Variants in SNRPN observed in about 807,000 individuals in gnomAD.
SNRPN encodes the protein small nuclear ribonucleoprotein-associated protein N.
A neutral mutation model predicts 25.2 loss-of-function variants in SNRPN; 7 were observed. The ratio of observed to expected loss-of-function variants is 0.28; its 90% confidence interval spans 0.16 to 0.52. The LOEUF is 0.52. Among genes scored for constraint, SNRPN ranks in the 20% least tolerant of loss-of-function variants. The pLI is 0.96. For synonymous variants in SNRPN, 124 were observed against 110.6 expected (o/e 1.12, Z -0.76); for missense variants, 196 against 322.5 (o/e 0.61, Z 3.00).
At chr15:24,868,955 A>G (rs980863937) in intron 1 of SNRPN, among the ~76,000 whole-genome samples, 7 of 152,108 alleles carry the variant, frequency 4.6e-5, no homozygotes, top group African/African-American at 1.7e-4. Context: ...TAGGCAACAT[A>G]GCCAGACCCT....
At chr15:24,874,251 A>G (rs2055594459) in intron 1 of SNRPN, among the ~76,000 whole-genome samples, 1 of 138,428 alleles carries the variant, frequency 7.2e-6, no homozygotes, top group Non-Finnish European at 1.5e-5. Context: ...TGGAGCTTGC[A>G]GTGAGCCAAG....
chr15:24,960,949 C>T (rs563426301), intron 1 of SNRPN, among the ~76,000 whole-genome samples: 1 of 152,052 alleles, frequency 6.6e-6, no homozygotes, highest in East Asian at 1.9e-4. Flanking sequence ...TCCCTACCTT[C>T]TTTTTTTTCA....
intron 2 of SNRPN, among the ~76,000 whole-genome samples, chr15:24,965,135 T>A (rs2075421656): frequency 6.6e-6 from 1 of 152,220 alleles, no homozygotes; most frequent in Admixed American, 6.5e-5. Flanking sequence ...TAGAATGTTA[T>A]ACTAGAAGTG....
intron 1 of SNRPN, among the ~76,000 whole-genome samples, chr15:24,827,673 C>A (rs2050205312): frequency 6.6e-6 from 1 of 151,716 alleles, no homozygotes; most frequent in South Asian, 2.1e-4. Context: ...TCGAGACCAG[C>A]CTGACCAAGA....
At chr15:24,828,108 CA>C (rs2050230980) in intron 1 of SNRPN, among the ~76,000 whole-genome samples, 1 of 151,994 alleles carries the variant, frequency 6.6e-6, no homozygotes, top group African/African-American at 2.4e-5. Flanking sequence ...TAAAATTTAA[CA>C]CAATATTGAG....
rs749060545 is a variant in SNRPN, at chr15:24,968,039, G to A, written c.-187G>A. 6.8e-6 allele frequency: 11 copies of A among 1,613,760 alleles called. No individual in the cohort carries two copies. In the South Asian group the frequency reaches 1.1e-4, roughly 16 times the overall value. ...GCTGAGACACCAAGAGGTGGTTAAA[G>A]CCATATTGGAGTAGCGAGGAATCTG... On this transcript the variant is annotated 5_prime_UTR_variant, in exon 3 of 10. Transcript: ENST00000390687.
Position 24,939,484 on chromosome 15 carries a change from G to A in SNRPN, c.-391+19360G>A, listed in dbSNP as rs113095593. 5.7e-3 allele frequency among the ~76,000 whole-genome samples: 863 copies of A among 152,260 alleles called. 11 individuals are homozygous for A. The highest frequency in any genetic ancestry group is 0.02 in the African/African-American group (821 of 41,554). ...GTCTCTTTCTGTTGCCCAGGCTGGT[G>A]TGCAATGGCCCAATCTCGGCTCACT... is the stretch of plus-strand genomic sequence containing the variant. On this transcript the variant is annotated intron_variant, in intron 3 of 11. Transcript: ENST00000400097.
chr15:24,939,780 G>T lies in SNRPN; in HGVS notation c.-391+19656G>T, dbSNP rs530010217. ...TTTTTTTTTTTTAAAGTTGATTATA[G>T]AATTCTTCTTTTTTTTTTTTTCTTT... On this transcript the variant is annotated intron_variant, in intron 3 of 11. Coordinates refer to the SNRPN transcript ENST00000400097. Among the ~76,000 whole-genome samples the T allele has an allele frequency of 9.7e-5, 14 of 144,938 alleles. No individual in the cohort carries two copies. The East Asian group carries it at 2.9e-3, about 30-fold the overall frequency.
At chr15:24,859,124 G>A (rs2053742698) in intron 1 of SNRPN, among the ~76,000 whole-genome samples, 1 of 152,156 alleles carries the variant, frequency 6.6e-6, no homozygotes, top group Non-Finnish European at 1.5e-5. Flanking sequence ...TGGGAAAAGG[G>A]TACAGGGGCA....
chr15:24,878,527 C>A (rs1368805470), intron 1 of SNRPN, among the ~76,000 whole-genome samples: 1 of 152,212 alleles, frequency 6.6e-6, no homozygotes, highest in Admixed American at 6.5e-5. Flanking sequence ...CGGGAGTCTC[C>A]CTTTCTTCGC....
intron 3 of SNRPN, among the ~76,000 whole-genome samples, chr15:24,946,417 A>G (rs1415080908): frequency 2.0e-5 from 3 of 152,182 alleles, no homozygotes; most frequent in African/African-American, 4.8e-5. Flanking sequence ...TAAAAAAAAT[A>G]AAAAGAAAAG....
At chr15:24,902,053 C>A (rs1260133327) in intron 2 of SNRPN, among the ~76,000 whole-genome samples, 1 of 152,134 alleles carries the variant, frequency 6.6e-6, no homozygotes, top group Non-Finnish European at 1.5e-5. Context: ...AATGGTATTG[C>A]ATAAATGCTT....
rs895338457 is a variant in SNRPN, at chr15:24,881,379, C to A, written c.-578-5137C>A. Among the ~76,000 whole-genome samples, 693 of 129,058 alleles carry A rather than the reference C, an allele frequency of 5.4e-3. 1 individual carries two copies. The highest frequency in any genetic ancestry group is 0.02 in the African/African-American group (659 of 33,212). The allele number at this position is 129,058 out of a possible 152,430, so 84.7% of individuals were successfully genotyped here. On this transcript the variant is annotated intron_variant, in intron 1 of 11. Transcript: ENST00000400097. ...CTCTACTAAAAATACAAAAAAAAAA[C>A]AATGAGCTGGGCATGGGGGTGGACA...
At chr15:24,948,410 C>T (rs1276184184) in intron 3 of SNRPN, among the ~76,000 whole-genome samples, 3 of 152,072 alleles carry the variant, frequency 2.0e-5, no homozygotes, top group Non-Finnish European at 4.4e-5. Context: ...CCGCACCTGG[C>T]CTCAGAACAG....
At chr15:24,893,176 C>A (rs759320816) in intron 2 of SNRPN, among the ~76,000 whole-genome samples, 6 of 151,982 alleles carry the variant, frequency 3.9e-5, no homozygotes, top group Non-Finnish European at 7.4e-5. Flanking sequence ...CCACTGCACT[C>A]CAGCCTGGGT....
intron 1 of SNRPN, among the ~76,000 whole-genome samples, chr15:24,869,836 A>G (rs2054919298): frequency 6.6e-6 from 1 of 152,206 alleles, no homozygotes. Flanking sequence ...CAAGAAAGTT[A>G]TGCTCTACCT....
At chr15:24,930,014 T>C (rs994303714) in intron 3 of SNRPN, among the ~76,000 whole-genome samples, 25 of 151,960 alleles carry the variant, frequency 1.6e-4, no homozygotes, top group African/African-American at 5.1e-4. Context: ...GGTGAAACCC[T>C]GTCTCCACCA....
chr15:24,970,467 TAC>T (rs2076260463), intron 3 of SNRPN, among the ~76,000 whole-genome samples: 1 of 152,004 alleles, frequency 6.6e-6, no homozygotes, highest in Non-Finnish European at 1.5e-5. Context: ...TAATCCCAGC[TAC>T]TCGGGAGGCT....
intron 2 of SNRPN, among the ~76,000 whole-genome samples, chr15:24,887,611 A>G (rs1054852818): frequency 3.3e-5 from 5 of 152,150 alleles, no homozygotes; most frequent in Non-Finnish European, 7.3e-5. Flanking sequence ...AAGTTTTCAC[A>G]TTCTCTGAGA....
Sources: gnomAD v4.1 joint callset for allele counts (sites outside exome capture counted in the v4.1 genomes callset) on GRCh38, gnomAD v4.1.1 for gene constraint, MANE v1.5 for transcripts, NCBI Gene and HGNC (gene_info 2026-07-23, HGNC 2026-07-21) for gene names.